Variants in SAMD3 observed in about 807,000 individuals in gnomAD.
SAMD3 encodes sterile alpha motif domain-containing protein 3.
SAMD3 carries 63 observed loss-of-function variants against 58.5 expected under a neutral mutation model. The observed-to-expected ratio is 1.08, with a 90% CI of 0.88 to 1.33. The LOEUF is 1.33. Among genes scored for constraint, SAMD3 ranks in the 40% most tolerant of loss-of-function variants. SAMD3 has a pLI of 0.00. For synonymous variants in SAMD3, 220 were observed against 210.3 expected, an observed-to-expected ratio of 1.05 and a Z score of -0.40; for missense variants, 604 against 608.4, an observed-to-expected ratio of 0.99 and a Z score of 0.08.
chr6:130,322,498 A>C (rs1366211170), intron 1 of SAMD3, among the ~76,000 whole-genome samples: 1 of 152,184 alleles, frequency 6.6e-6, no homozygotes, highest in South Asian at 2.1e-4. Context: ...GTAGCCGGGC[A>C]TGGTGACACA....
At chr6:130,207,159 C>CAAAAAAAAA (rs376844642) in intron 5 of SAMD3, among the ~76,000 whole-genome samples, 27 of 52,696 alleles carry the variant, frequency 5.1e-4, no homozygotes, top group African/African-American at 1.6e-3. Context: ...CCCATCTCAT[C>CAAAAAAAAA]AAAAAAAAAA....
rs2114967437 is a variant in SAMD3, at chr6:130,294,533, T to C, written c.-188+18445A>G. Reference sequence around the variant, plus strand: ...ACATTGTTTCTTTTTTATTCTTATATTTCATTCAACTGAAAAAGATCTTAA... The same window carrying C: ...ACATTGTTTCTTTTTTATTCTTATACTTCATTCAACTGAAAAAGATCTTAA... On this transcript the variant is annotated intron_variant, in intron 2 of 13. Transcript: ENST00000368134. Among the ~76,000 whole-genome samples the C allele has an allele frequency of 1.3e-5, 2 of 152,314 alleles. 1 individual carries two copies. Among genetic ancestry groups the C allele is most frequent in the South Asian group, 4.1e-4 (2 of 4,824 alleles).
intron 2 of SAMD3, among the ~76,000 whole-genome samples, chr6:130,284,829 C>T (rs966484719): frequency 1.3e-5 from 2 of 152,086 alleles, no homozygotes; most frequent in African/African-American, 4.8e-5. Flanking sequence ...AATAACATTT[C>T]AAAATATATA....
chr6:130,364,040 C>T (rs1451607774), intron 1 of SAMD3, among the ~76,000 whole-genome samples: 3 of 152,208 alleles, frequency 2.0e-5, no homozygotes, highest in Non-Finnish European at 2.9e-5. Flanking sequence ...GAGAGTTGCT[C>T]GGACTACTGA....
intron 2 of SAMD3, among the ~76,000 whole-genome samples, chr6:130,293,392 T>C (rs893851269): frequency 6.6e-6 from 1 of 152,202 alleles, no homozygotes; most frequent in Non-Finnish European, 1.5e-5. Context: ...CACAACATTC[T>C]GGTCCCCTCA....
At chr6:130,299,304 C>T (rs1178776908) in intron 2 of SAMD3, among the ~76,000 whole-genome samples, 1 of 151,918 alleles carries the variant, frequency 6.6e-6, no homozygotes, top group African/African-American at 2.4e-5. Flanking sequence ...TAAATCAATA[C>T]CAAGAAGAAC....
upstream of SAMD3, chr6:130,365,479 C>T: frequency 1.0e-6 from 1 of 985,442 alleles, no homozygotes; most frequent in Non-Finnish European, 1.2e-6. Context: ...CCAGGGGGAC[C>T]CCGGCCCGCC....
chr6:130,209,103 G>A (rs550059219), intron 5 of SAMD3, among the ~76,000 whole-genome samples: 2 of 152,326 alleles, frequency 1.3e-5, no homozygotes, highest in East Asian at 1.9e-4. Flanking sequence ...TCTATCGGGA[G>A]AGTCAAGTTA....
At chr6:130,244,912 C>T (rs9321215) in intron 2 of SAMD3, among the ~76,000 whole-genome samples, 50,308 of 152,004 alleles carry the variant, frequency 0.33, 13,668 homozygotes, top group African/African-American at 0.75. Context: ...AAATGTTTGC[C>T]ATTTTTGCTT....
chr6:130,265,219 A>G (rs922535998), intron 2 of SAMD3, among the ~76,000 whole-genome samples: 10 of 152,224 alleles, frequency 6.6e-5, no homozygotes, highest in Admixed American at 1.3e-4. Context: ...CCAGTTGAAC[A>G]TAACTGTGTA....
chr6:130,296,023 G>T (rs1029482976), intron 2 of SAMD3, among the ~76,000 whole-genome samples: 1 of 152,122 alleles, frequency 6.6e-6, no homozygotes, highest in South Asian at 2.1e-4. Context: ...CCTGTCACCC[G>T]CTTCTTCCCT....
At chr6:130,176,072 G>T in intron 7 of SAMD3, 64 bp from the exon 8 acceptor site, 1 of 1,301,222 alleles carries the variant, frequency 7.7e-7, no homozygotes, top group Non-Finnish European at 1.1e-6. Context: ...TAAACAATAC[G>T]TCTATACAAC....
At position 130,145,444 on chromosome 6, in the gene SAMD3, CAT is replaced by C. The variant is rs749072978; in HGVS notation, c.1196-24_1196-23del. 143 of 1,535,476 alleles carry C rather than the reference CAT, an allele frequency of 9.3e-5. 1 individual carries two copies. The South Asian group carries it at 1.1e-3, about 12-fold the overall frequency. On this transcript the variant is annotated intron_variant, in intron 10 of 11. Coordinates refer to ENST00000439090, the MANE Select transcript of SAMD3 (RefSeq NM_001017373.4). ...ATGTCTGTCAAAGCAAATATGTTAA[CAT>C]GTGAAGTAAAAATAAGCTTTTAGCA...
chr6:130,184,258 A>T, intron 6 of SAMD3, 71 bp from the exon 7 acceptor site: 1 of 1,308,094 alleles, frequency 7.6e-7, no homozygotes, highest in East Asian at 2.3e-5. Context: ...GATGAGTCTA[A>T]TTACACTCAT....
At chr6:130,241,442 C>T (rs1156891983) in intron 2 of SAMD3, among the ~76,000 whole-genome samples, 2 of 152,148 alleles carry the variant, frequency 1.3e-5, no homozygotes, top group East Asian at 3.9e-4. Flanking sequence ...TCTTGAATCC[C>T]TGACCTTATG....
intron 1 of SAMD3, among the ~76,000 whole-genome samples, chr6:130,338,495 C>T (rs1379279431): frequency 6.6e-6 from 1 of 152,126 alleles, no homozygotes; most frequent in East Asian, 1.9e-4. Context: ...AGTGGAAGAT[C>T]CAAAAACAGC....
At chr6:130,343,959 T>C (rs1373398249) in intron 1 of SAMD3, among the ~76,000 whole-genome samples, 1 of 126,568 alleles carries the variant, frequency 7.9e-6, no homozygotes, top group African/African-American at 4.1e-5. Context: ...AGTGAGACTC[T>C]GTCTTAAAAA....
intron 9 of SAMD3, among the ~76,000 whole-genome samples, chr6:130,149,518 A>ATG (rs1788943536): frequency 6.6e-6 from 1 of 152,264 alleles, no homozygotes; most frequent in South Asian, 2.1e-4. Flanking sequence ...ACACCATGGA[A>ATG]TACTACATAG....
At chr6:130,214,191 T>C (rs543871334) in intron 4 of SAMD3, 146 bp downstream of exon 4, 134 of 599,134 alleles carry the variant, frequency 2.2e-4, no homozygotes, top group African/African-American at 2.2e-3. Context: ...TACAGTGTCC[T>C]TTGCTCAAAT....
Sources: gnomAD v4.1 joint callset for allele counts (sites outside exome capture counted in the v4.1 genomes callset) on GRCh38, gnomAD v4.1.1 for gene constraint, MANE v1.5 for transcripts, NCBI Gene and HGNC (gene_info 2026-07-23, HGNC 2026-07-21) for gene names.